The following PKNOX2 variants were observed in gnomAD, a reference collection of about 807,000 sequenced individuals.
The protein encoded by PKNOX2 is PBX/knotted 1 homeobox 2, also known as homeobox protein PKNOX2.
Under a neutral mutation model 53.1 loss-of-function variants are expected in PKNOX2, and 14 were observed. The ratio of observed to expected loss-of-function variants is 0.26; its 90% CI spans 0.17 to 0.41. The LOEUF is 0.41. Among genes scored for constraint, PKNOX2 ranks in the 10% least tolerant of loss-of-function variants. The probability of loss-of-function intolerance (pLI) is 1.00; values close to 1 mark genes in which losing one functional copy is unlikely to be tolerated. For missense variants in PKNOX2, 496 were observed against 602.8 expected (o/e 0.82, Z 1.85); for synonymous variants, 257 against 242.8 (o/e 1.06, Z -0.54).
At chr11:125,179,191 C>A (rs1296444328) in intron 1 of PKNOX2, among the ~76,000 whole-genome samples, 4 of 152,120 alleles carry the variant, frequency 2.6e-5, no homozygotes, top group Admixed American at 2.0e-4. Context: ...ATGTGCCCAG[C>A]ATTATCTTGG....
At chr11:125,168,090 C>G (rs959458612) in intron 1 of PKNOX2, among the ~76,000 whole-genome samples, 1 of 152,188 alleles carries the variant, frequency 6.6e-6, no homozygotes, top group African/African-American at 2.4e-5. Flanking sequence ...GGATTTCAGC[C>G]CAGCTGCCAA....
At chr11:125,184,484 G>A (rs936297402) in intron 1 of PKNOX2, 4 of 152,248 alleles carry the variant, frequency 2.6e-5, no homozygotes, top group Non-Finnish European at 2.9e-5. Flanking sequence ...GGGTGGGATT[G>A]AATAGATAGA....
Position 125,296,262 on chromosome 11 carries a change from C to T in PKNOX2, c.-129-35557C>T, listed in dbSNP as rs535587775. On this transcript the variant is annotated intron_variant, in intron 2 of 12. Coordinates refer to ENST00000298282, the MANE Select transcript of PKNOX2 (RefSeq NM_001382323.2). ...TCATGCCACTTCTGTGCTCAAAAGC[C>T]GCCAGTGTCTTTCCCTGTCATTGAG... Among the ~76,000 whole-genome samples, 12 of 152,266 alleles carry T rather than the reference C, an allele frequency of 7.9e-5. No homozygotes were observed. The East Asian group carries it at 1.4e-3, about 17-fold the overall frequency.
At chr11:125,312,373 A>G (rs530021605) in intron 2 of PKNOX2, among the ~76,000 whole-genome samples, 9 of 152,366 alleles carry the variant, frequency 5.9e-5, no homozygotes, top group African/African-American at 1.9e-4. Flanking sequence ...TGGAGGCCAC[A>G]GATCCAAGCC....
chr11:125,376,085 C>G (rs1175845868), intron 5 of PKNOX2, among the ~76,000 whole-genome samples: 1 of 152,152 alleles, frequency 6.6e-6, no homozygotes, highest in African/African-American at 2.4e-5. Context: ...GTTTAATGTG[C>G]CGGGAGGAGT....
At chr11:125,209,914 C>A (rs1033768154) in intron 1 of PKNOX2, among the ~76,000 whole-genome samples, 5 of 152,072 alleles carry the variant, frequency 3.3e-5, no homozygotes, top group Non-Finnish European at 7.4e-5. Context: ...TGGTATTGCT[C>A]TTGTTTTATC....
intron 1 of PKNOX2, among the ~76,000 whole-genome samples, chr11:125,213,981 G>A (rs1217958212): frequency 3.9e-5 from 6 of 152,058 alleles, no homozygotes; most frequent in East Asian, 1.9e-4. Flanking sequence ...CCAGCTGCCC[G>A]GCTTGGCCTT....
At chr11:125,349,009 C>G (rs945857407) in intron 3 of PKNOX2, among the ~76,000 whole-genome samples, 2 of 152,108 alleles carry the variant, frequency 1.3e-5, no homozygotes, top group African/African-American at 4.8e-5. Context: ...CATCTGTGAT[C>G]GATGCTCCCG....
chr11:125,266,211 C>T lies in PKNOX2; in HGVS notation c.-130+31096C>T, dbSNP rs114620887. ...GAGAGGAATTCACCACCTCCTCCCC[C>T]GTCAGTGGTAAGATTTCTCTGATTT... On this transcript the variant is annotated intron_variant, in intron 2 of 12. Coordinates refer to ENST00000298282, the MANE Select transcript of PKNOX2 (RefSeq NM_001382323.2). Among the ~76,000 whole-genome samples the T allele has an allele frequency of 3.2e-3, 483 of 152,294 alleles. 1 individual carries two copies. Among genetic ancestry groups the T allele is most frequent in the African/African-American group, 0.011 (442 of 41,568 alleles).
rs189667177 is a variant in PKNOX2, at chr11:125,169,935, G to A, written c.-201+5159G>A. On this transcript the variant is annotated intron_variant, in intron 1 of 12. Coordinates refer to ENST00000298282, the MANE Select transcript of PKNOX2 (RefSeq NM_001382323.2). Reference sequence around the variant, plus strand: ...TTGGCTGAGTTGGGGGATCCAGCCCGCTTCTTCCAAATGGTGTTACCTGGA... The same window carrying A: ...TTGGCTGAGTTGGGGGATCCAGCCCACTTCTTCCAAATGGTGTTACCTGGA... 1.6e-4 allele frequency among the ~76,000 whole-genome samples: 25 copies of A among 152,310 alleles called. No homozygotes were observed. The East Asian group carries it at 2.7e-3, about 16-fold the overall frequency.
At chr11:125,324,565 T>G (rs867818591) in intron 2 of PKNOX2, among the ~76,000 whole-genome samples, 2 of 152,268 alleles carry the variant, frequency 1.3e-5, no homozygotes, top group Middle Eastern at 3.4e-3. Context: ...GATCACAATG[T>G]GGCTGGCTAA....
At chr11:125,226,089 T>C (rs558972859) in intron 1 of PKNOX2, among the ~76,000 whole-genome samples, 2 of 152,360 alleles carry the variant, frequency 1.3e-5, no homozygotes, top group East Asian at 3.9e-4. Context: ...CAATATTTAC[T>C]TGCACAAGAC....
At chr11:125,220,391 G>A (rs1262069462) in intron 1 of PKNOX2, among the ~76,000 whole-genome samples, 2 of 152,190 alleles carry the variant, frequency 1.3e-5, no homozygotes, top group African/African-American at 2.4e-5. Flanking sequence ...CCTGAGCTCC[G>A]AATTATAGAG....
intron 1 of PKNOX2, among the ~76,000 whole-genome samples, chr11:125,190,711 C>T (rs1956826969): frequency 6.6e-6 from 1 of 152,196 alleles, no homozygotes; most frequent in African/African-American, 2.4e-5. Context: ...CCTGGGCTCT[C>T]ACTCTGGCCG....
At chr11:125,259,046 CTGAT>C (rs1944627746) in intron 2 of PKNOX2, 1 of 164,522 alleles carries the variant, frequency 6.1e-6, no homozygotes. Context: ...CAAATGGAAT[CTGAT>C]TGAATTCTTC....
At chr11:125,280,118 T>C (rs1038254717) in intron 2 of PKNOX2, among the ~76,000 whole-genome samples, 1 of 151,174 alleles carries the variant, frequency 6.6e-6, no homozygotes, top group African/African-American at 2.4e-5. Flanking sequence ...TTTTTTTTTT[T>C]TAACCAGCAT....
chr11:125,243,766 G>A (rs573764859), intron 2 of PKNOX2, among the ~76,000 whole-genome samples: 33 of 152,204 alleles, frequency 2.2e-4, no homozygotes, highest in African/African-American at 7.7e-4. Flanking sequence ...GGGACTACAG[G>A]TGCCCGCCAC....
intron 2 of PKNOX2, among the ~76,000 whole-genome samples, chr11:125,323,253 T>G (rs1949631488): frequency 6.6e-6 from 1 of 152,040 alleles, no homozygotes; most frequent in Non-Finnish European, 1.5e-5. Flanking sequence ...GGAAGGGAAG[T>G]CCTAACTTTC....
chr11:125,352,389 G>T lies in PKNOX2; in HGVS notation c.87+997G>T, dbSNP rs1346407162. Among the ~76,000 whole-genome samples, 2 of 152,092 alleles carry T rather than the reference G, an allele frequency of 1.3e-5. No individual in the cohort carries two copies. Among genetic ancestry groups the T allele is most frequent in the African/African-American group, 2.4e-5 (1 of 41,422 alleles). ...GGTGCCCGCTGGGTGCTGTGGGCAG[G>T]CTACCATCTGCACTCCTCCAGCAGC... On this transcript the variant is annotated intron_variant, in intron 4 of 12. Transcript: ENST00000298282. The surrounding 1 kb of genome is among the most constrained non-coding windows in gnomAD (Gnocchi z 4.1).
Sources: gnomAD v4.1 joint callset for allele counts (sites outside exome capture counted in the v4.1 genomes callset) on GRCh38, gnomAD v4.1.1 for gene constraint, Gnocchi (gnomAD v3.1) non-coding constraint, MANE v1.5 for transcripts, NCBI Gene and HGNC (gene_info 2026-07-23, HGNC 2026-07-21) for gene names.